Variants in CNDP2 observed in about 807,000 individuals in gnomAD.
CNDP2 encodes the protein cytosolic non-specific dipeptidase.
In CNDP2, 38 loss-of-function variants were observed where a neutral mutation model predicts 55.0. The ratio of observed to expected loss-of-function variants is 0.69; its 90% CI spans 0.53 to 0.90. CNDP2 has a LOEUF of 0.90. Ranked by LOEUF, CNDP2 falls within the 40% of genes least tolerant of loss-of-function variation. The pLI, the probability that CNDP2 is intolerant of heterozygous loss-of-function variation, is 0.00. For synonymous variants in CNDP2, 241 were observed against 260.2 expected, an observed-to-expected ratio of 0.93 and a Z score of 0.71; for missense variants, 607 against 621.7, an observed-to-expected ratio of 0.98 and a Z score of 0.25.
At chr18:74,499,275 G>GT (rs369154818) in intron 1 of CNDP2, 9 of 152,324 alleles carry the variant, frequency 5.9e-5, no homozygotes, top group African/African-American at 2.2e-4. Flanking sequence ...CTGAGGATGT[G>GT]TTTTCACCTC....
In CNDP2 at chr18:74,520,919, A is replaced by G. The variant is rs1980010666; in HGVS notation, c.*851A>G. ...TCAGGTGATGCATTGCACATTTGGG[A>G]TATTTGGAAAGGAAATGAGGAAAGA... is the stretch of plus-strand genomic sequence containing the variant. On this transcript the variant is annotated 3_prime_UTR_variant, in exon 12 of 12. Transcript: ENST00000324262. The G allele has an allele frequency of 6.6e-6, 1 of 152,150 alleles. No individual in the cohort carries two copies. Among genetic ancestry groups the G allele is most frequent in the Non-Finnish European group, 1.5e-5 (1 of 68,032 alleles). The allele number at this position is 152,150 out of a possible 1,614,324, so 9.4% of individuals were successfully genotyped here.
intron 1 of CNDP2, among the ~76,000 whole-genome samples, chr18:74,497,097 C>A (rs1978457195): frequency 6.6e-6 from 1 of 152,088 alleles, no homozygotes; most frequent in African/African-American, 2.4e-5. Context: ...AATATTTGGT[C>A]CTCACAGACA....
intron 7 of CNDP2, 136 bp downstream of exon 7, chr18:74,512,668 T>G (rs1979420488): frequency 1.5e-6 from 1 of 674,006 alleles, no homozygotes; most frequent in African/African-American, 1.8e-5. Flanking sequence ...CTACTGTGCC[T>G]CTCCCTCCTT....
At position 74,522,421 on chromosome 18, in the gene CNDP2, G is replaced by T. The variant is rs1173824965; in HGVS notation, c.*2353G>T. 1 of 152,254 alleles carries T rather than the reference G, an allele frequency of 6.6e-6. No individual in the cohort carries two copies. Among genetic ancestry groups the T allele is most frequent in the Non-Finnish European group, 1.5e-5 (1 of 68,052 alleles). The allele number at this position is 152,254 out of a possible 1,614,324, so 9.4% of individuals were successfully genotyped here. On this transcript the variant is annotated 3_prime_UTR_variant, in exon 12 of 12. Transcript: ENST00000324262. ...GCATGCGAGCTGCATATGGGCCCCC[G>T]TTAGTCAGGAACCCATGCTGAGAGG...
intron 3 of CNDP2, 32 bp from the exon 4 acceptor site, chr18:74,505,817 C>T: frequency 6.2e-7 from 1 of 1,611,994 alleles, no homozygotes; most frequent in Non-Finnish European, 8.5e-7. Flanking sequence ...TAAACAAAGG[C>T]TGTCCTTGGT....
At position 74,516,288 on chromosome 18, in the gene CNDP2, G is replaced by T; in HGVS notation, c.964G>T (p.Ala322Ser). The change falls in exon 9 of 12, where the codon GCC becomes TCC. Residue 322 changes from alanine to serine, a missense_variant. Transcript: ENST00000324262. ...PSLSLHGIEG[A>S]FSGSGAKTVI... Reference sequence around the variant, plus strand: ...TCTGTCCCTCCATGGCATCGAAGGCGCCTTCTCTGGGTCTGGGGCCAAGAC... The same window carrying T: ...TCTGTCCCTCCATGGCATCGAAGGCTCCTTCTCTGGGTCTGGGGCCAAGAC... The T allele has an allele frequency of 6.2e-7, 1 of 1,614,130 alleles. No homozygotes were observed. The highest frequency in any genetic ancestry group is 8.5e-7 in the Non-Finnish European group (1 of 1,179,990).
chr18:74,512,908 G>T (rs1457272241), intron 7 of CNDP2, among the ~76,000 whole-genome samples: 3 of 152,116 alleles, frequency 2.0e-5, no homozygotes, highest in East Asian at 1.9e-4. Flanking sequence ...TGTATAACTG[G>T]CCCCATCCAG....
intron 1 of CNDP2, 113 bp downstream of exon 1, chr18:74,496,544 G>T (rs1231800002): frequency 6.6e-6 from 1 of 152,394 alleles, no homozygotes; most frequent in East Asian, 1.9e-4. Flanking sequence ...GTGGGGGAGC[G>T]TGGGGCGCCC....
intron 11 of CNDP2, 138 bp downstream of exon 11, chr18:74,519,234 T>C: frequency 8.6e-7 from 1 of 1,165,936 alleles, no homozygotes. Context: ...TGTATTTGTG[T>C]GAAGTGGGAA....
At chr18:74,506,446 T>A (rs1385934447) in intron 4 of CNDP2, among the ~76,000 whole-genome samples, 2 of 152,178 alleles carry the variant, frequency 1.3e-5, no homozygotes, top group Non-Finnish European at 2.9e-5. Context: ...CAGACTGTTT[T>A]TAACGTAAGC....
At chr18:74,514,649 G>C (rs62099871) in intron 8 of CNDP2, among the ~76,000 whole-genome samples, 2,131 of 114,400 alleles carry the variant, frequency 0.019, 52 homozygotes, top group East Asian at 0.11. Flanking sequence ...TCTGCAGGCT[G>C]TAGGGTTATG....
At position 74,510,820 on chromosome 18, in the gene CNDP2, C is replaced by G. The variant is rs773134724; in HGVS notation, c.464C>G (p.Pro155Arg). ...EAYQKTGQEIPVNVRFCLEGM... is the reference protein window; with the variant it reads ...EAYQKTGQEIRVNVRFCLEGM... ...GCTGTTCCCTTCTCACAGGAGATTC[C>G]TGTCAACGTCCGATTCTGCCTCGAA... Residue 155 changes from proline (P) to arginine (R), a missense_variant, in exon 6 of 12, where the codon CCT becomes CGT. Pro to Arg is a moderately radical substitution (Grantham distance 103). Transcript: ENST00000324262. The G allele has an allele frequency of 3.1e-6, 5 of 1,613,348 alleles. No homozygotes were observed. The South Asian group carries it at 5.5e-5, about 18-fold the overall frequency.
Position 74,508,932 on chromosome 18 carries a change from T to G in CNDP2, c.456+4T>G. On this transcript the variant is annotated splice_donor_region_variant and intron_variant, in intron 5 of 11. Coordinates refer to ENST00000324262, the MANE Select transcript of CNDP2 (RefSeq NM_018235.3). ...AGCGTATCAGAAAACAGGCCAGGTA[T>G]GCCCCCCACGCTGACTTCTGCCTGA... is the stretch of plus-strand genomic sequence containing the variant. The G allele has an allele frequency of 2.5e-6, 4 of 1,613,366 alleles. No homozygotes were observed. The highest frequency in any genetic ancestry group is 3.4e-6 in the Non-Finnish European group (4 of 1,179,564).
intron 4 of CNDP2, among the ~76,000 whole-genome samples, chr18:74,506,788 A>G (rs12971120): frequency 0.2 from 30,304 of 152,188 alleles, 3,319 homozygotes; most frequent in Admixed American, 0.29. Context: ...GGCCCGTGCT[A>G]TGAGGGACCC....
Position 74,519,012 on chromosome 18 carries a change from A to C in CNDP2, c.1274A>C (p.Gln425Pro). 6.2e-7 allele frequency: 1 copy of C among 1,614,134 alleles called. No individual in the cohort carries two copies. Among genetic ancestry groups the C allele is most frequent in the Non-Finnish European group, 8.5e-7 (1 of 1,180,024 alleles). The part of the protein sequence containing the change: ...GGSIPVTLTF[Q>P]EATGKNVMLL... ...AGTATTCCCGTGACCTTGACCTTTCAGGAGGCCACGGGCAAGAACGTCATG... is the reference window on the plus strand; with the variant it reads ...AGTATTCCCGTGACCTTGACCTTTCCGGAGGCCACGGGCAAGAACGTCATG... Residue 425 changes from glutamine to proline, a missense_variant, in exon 11 of 12, where the codon CAG becomes CCG. Coordinates refer to ENST00000324262, the MANE Select transcript of CNDP2 (RefSeq NM_018235.3).
At chr18:74,516,499 C>T (rs535937825) in intron 9 of CNDP2, 107 bp downstream of exon 9, 12 of 1,142,666 alleles carry the variant, frequency 1.1e-5, no homozygotes, top group South Asian at 1.6e-5. Context: ...ATGCATGCCC[C>T]CGCTTCCTGG....
intron 5 of CNDP2, among the ~76,000 whole-genome samples, chr18:74,510,175 T>C (rs1349130726): frequency 6.6e-6 from 1 of 152,134 alleles, no homozygotes; most frequent in Non-Finnish European, 1.5e-5. Context: ...AGGAAGCACA[T>C]CCATGAACAG....
At chr18:74,518,747 CGTG>C (rs1979871996) in intron 10 of CNDP2, 107 bp downstream of exon 10, 4 of 1,486,614 alleles carry the variant, frequency 2.7e-6, no homozygotes, top group South Asian at 2.4e-5. Context: ...GCTGCTGTAT[CGTG>C]GGGGCGTGTA....
At position 74,499,994 on chromosome 18, in the gene CNDP2, G is replaced by A. The variant is rs1177001121; in HGVS notation, c.21G>A (p.Leu7=). The part of the protein sequence containing the change: MAALTT[L]FKYIDENQDR... ...GAAAGATGGCGGCCCTCACTACCCT[G>A]TTTAAGTACATAGATGAAAATCAGG... The change falls in exon 2 of 12, where the codon CTG becomes CTA. Residue 7 remains leucine, a synonymous_variant. Coordinates refer to ENST00000324262, the MANE Select transcript of CNDP2 (RefSeq NM_018235.3). 6.2e-7 allele frequency: 1 copy of A among 1,613,988 alleles called. No homozygotes were observed. The highest frequency in any genetic ancestry group is 8.5e-7 in the Non-Finnish European group (1 of 1,180,030).
Sources: gnomAD v4.1 joint callset for allele counts (sites outside exome capture counted in the v4.1 genomes callset) on GRCh38, gnomAD v4.1.1 for gene constraint, MANE v1.5 for transcripts, NCBI Gene and HGNC (gene_info 2026-07-23, HGNC 2026-07-21) for gene names.